The following IPMK variants were observed in gnomAD, a reference collection of about 807,000 sequenced individuals.
IPMK encodes the protein inositol 1,3,4,6-tetrakisphosphate 5-kinase.
A neutral mutation model predicts 45.8 loss-of-function variants in IPMK; 17 were observed. That is an observed-to-expected ratio of 0.37 (90% confidence interval 0.25 to 0.56). The LOEUF is 0.56. Ranked by LOEUF, IPMK falls within the 20% of genes least tolerant of loss-of-function variation. The probability of loss-of-function intolerance (pLI) is 0.79; values close to 1 mark genes in which losing one functional copy is unlikely to be tolerated. For synonymous variants in IPMK, 180 were observed against 184.3 expected, an observed-to-expected ratio of 0.98 and a Z score of 0.19; for missense variants, 399 against 498.0, an observed-to-expected ratio of 0.80 and a Z score of 1.89.
At chr10:58,246,147 TAA>T (rs1268688692) in intron 1 of IPMK, among the ~76,000 whole-genome samples, 1 of 132,670 alleles carries the variant, frequency 7.5e-6, no homozygotes, top group African/African-American at 3.5e-5. Flanking sequence ...CTCAAGGAAA[TAA>T]AAGAGGATAC....
chr10:58,265,029 TACAGTTTAAAAA>T (rs1839129702), intron 1 of IPMK, among the ~76,000 whole-genome samples: 1 of 152,220 alleles, frequency 6.6e-6, no homozygotes, highest in Admixed American at 6.5e-5. Context: ...ATACAATTTT[TACAGTTTAAAAA>T]ACAAAATACT....
rs773445493 is a variant in IPMK, at chr10:58,267,612, A to G, written c.-1T>C. On this transcript the variant is annotated 5_prime_UTR_variant, in exon 1 of 6. Transcript: ENST00000373935. ...GGGGGGATGGTGGCTCTGTTGCCAT[A>G]ACGGAGAGCAGAAGCGGTAACGGCA... 2.5e-6 allele frequency: 4 copies of G among 1,589,486 alleles called. No individual in the cohort carries two copies. The Admixed American group carries it at 7.0e-5, about 28-fold the overall frequency.
chr10:58,239,757 T>A (rs1185043147), intron 1 of IPMK, among the ~76,000 whole-genome samples: 1 of 152,142 alleles, frequency 6.6e-6, no homozygotes, highest in Non-Finnish European at 1.5e-5. Context: ...CAACAGTATC[T>A]GAGCCTGCAA....
At chr10:58,206,218 A>AC (rs34721834) in intron 4 of IPMK, among the ~76,000 whole-genome samples, 51,450 of 152,092 alleles carry the variant, frequency 0.34, 10,939 homozygotes, top group African/African-American at 0.61. Context: ...ATTGTACTGT[A>AC]AATTTGATTT....
chr10:58,244,835 T>C (rs1486864732), intron 1 of IPMK, among the ~76,000 whole-genome samples: 1 of 152,166 alleles, frequency 6.6e-6, no homozygotes, highest in Non-Finnish European at 1.5e-5. Context: ...AACAGATGCT[T>C]GAAGACAGCA....
At chr10:58,203,610 C>T (rs1490708469) in intron 4 of IPMK, among the ~76,000 whole-genome samples, 1 of 152,238 alleles carries the variant, frequency 6.6e-6, no homozygotes, top group African/African-American at 2.4e-5. Flanking sequence ...GCCACTGCCC[C>T]TGGCCTCAGA....
rs370989457 is a variant in IPMK, at chr10:58,244,116, C to T, written c.191-6302G>A. 1.0e-4 allele frequency among the ~76,000 whole-genome samples: 14 copies of T among 139,142 alleles called. No individual in the cohort carries two copies. The East Asian group carries it at 1.8e-3, about 18-fold the overall frequency. The allele number at this position is 139,142 out of a possible 152,430, so 91.3% of individuals were successfully genotyped here. ...CCGGCCGCCCCGTCTGGGAAGTGGG[C>T]GCCTCTGCCTGGCCACCCTGTCTGG... On this transcript the variant is annotated intron_variant, in intron 1 of 5. Coordinates refer to ENST00000373935, the MANE Select transcript of IPMK (RefSeq NM_152230.5).
At chr10:58,207,483 T>C (rs1236484401) in intron 4 of IPMK, among the ~76,000 whole-genome samples, 1 of 152,240 alleles carries the variant, frequency 6.6e-6, no homozygotes. Context: ...TCCATAGTGG[T>C]TGTATTAGTT....
intron 1 of IPMK, among the ~76,000 whole-genome samples, chr10:58,263,195 G>A (rs1839100253): frequency 6.6e-6 from 1 of 152,076 alleles, no homozygotes; most frequent in Non-Finnish European, 1.5e-5. Flanking sequence ...AGACCAGCCT[G>A]GGCAACAAAG....
intron 1 of IPMK, among the ~76,000 whole-genome samples, chr10:58,255,231 T>C (rs1173994346): frequency 6.6e-6 from 1 of 152,230 alleles, no homozygotes; most frequent in Non-Finnish European, 1.5e-5. Context: ...CCCACTTTTG[T>C]TCCCAATACA....
intron 4 of IPMK, among the ~76,000 whole-genome samples, chr10:58,208,261 C>T (rs527999494): frequency 3.9e-4 from 59 of 152,130 alleles, no homozygotes; most frequent in African/African-American, 1.4e-3. Flanking sequence ...ATTTAAGTTG[C>T]TTTCCACCTT....
At chr10:58,210,747 G>A (rs1838146229) in intron 4 of IPMK, among the ~76,000 whole-genome samples, 1 of 152,178 alleles carries the variant, frequency 6.6e-6, no homozygotes, top group Non-Finnish European at 1.5e-5. Context: ...TTCACTCAGG[G>A]GGTATGTGTT....
At chr10:58,203,144 C>A (rs1026008893) in intron 4 of IPMK, among the ~76,000 whole-genome samples, 1 of 152,066 alleles carries the variant, frequency 6.6e-6, no homozygotes, top group East Asian at 1.9e-4. Flanking sequence ...TTAATTCCAA[C>A]CCTCATGGAT....
chr10:58,232,210 T>C (rs181977501), intron 2 of IPMK, among the ~76,000 whole-genome samples: 119 of 152,256 alleles, frequency 7.8e-4, no homozygotes, highest in African/African-American at 2.9e-3. Flanking sequence ...AAAAGAGACT[T>C]AGACCCCCAC....
chr10:58,253,402 G>C, intron 1 of IPMK, among the ~76,000 whole-genome samples: 1 of 152,196 alleles, frequency 6.6e-6, no homozygotes, highest in African/African-American at 2.4e-5. Flanking sequence ...TGTTTGTCTG[G>C]AAATGTCTTT....
chr10:58,256,674 G>C (rs1838972813), intron 1 of IPMK, among the ~76,000 whole-genome samples: 1 of 152,072 alleles, frequency 6.6e-6, no homozygotes, highest in African/African-American at 2.4e-5. Context: ...AGTTCAGGGG[G>C]CATCACAGAA....
At chr10:58,216,350 G>C in intron 3 of IPMK, 33 bp from the exon 4 acceptor site, 2 of 1,071,828 alleles carry the variant, frequency 1.9e-6, no homozygotes, top group Non-Finnish European at 1.3e-6. Flanking sequence ...ATTAGTAATA[G>C]GCAAACATAT....
intron 1 of IPMK, among the ~76,000 whole-genome samples, chr10:58,248,796 G>A (rs1030262491): frequency 3.3e-5 from 5 of 152,058 alleles, no homozygotes; most frequent in South Asian, 2.1e-4. Flanking sequence ...TGTGTTATTC[G>A]TCTTTCCATG....
chr10:58,262,930 G>A (rs1336899429), intron 1 of IPMK, among the ~76,000 whole-genome samples: 2 of 129,000 alleles, frequency 1.6e-5, no homozygotes, highest in Non-Finnish European at 1.6e-5. Flanking sequence ...AAAGAATGGG[G>A]GGAAAAAATC....
Sources: gnomAD v4.1 joint callset for allele counts (sites outside exome capture counted in the v4.1 genomes callset) on GRCh38, gnomAD v4.1.1 for gene constraint, MANE v1.5 for transcripts, NCBI Gene and HGNC (gene_info 2026-07-23, HGNC 2026-07-21) for gene names.